The following LRP1B variants were observed in gnomAD, a reference collection of about 807,000 sequenced individuals.
LRP1B encodes the protein low-density lipoprotein receptor-related protein 1B.
In LRP1B, 217 loss-of-function variants were observed where a neutral mutation model predicts 556.6. The ratio of observed to expected loss-of-function variants is 0.39; its 90% CI spans 0.35 to 0.44. LRP1B has a LOEUF of 0.44. Among genes scored for constraint, LRP1B ranks in the 20% least tolerant of loss-of-function variants. The probability of loss-of-function intolerance (pLI) is 1.00; values close to 1 mark genes in which losing one functional copy is unlikely to be tolerated. For synonymous variants in LRP1B, 2,047 were observed against 1,865.8 expected, an observed-to-expected ratio of 1.10 and a Z score of -2.50; for missense variants, 5,053 against 5,620.8, an observed-to-expected ratio of 0.90 and a Z score of 3.23.
At chr2:141,723,152 C>T (rs1353867820) in intron 2 of LRP1B, among the ~76,000 whole-genome samples, 1 of 151,904 alleles carries the variant, frequency 6.6e-6, no homozygotes. Context: ...GCCCTCAGTG[C>T]TCTCCCAGTC....
chr2:142,122,140 T>C (rs910993585), intron 1 of LRP1B, among the ~76,000 whole-genome samples: 1 of 152,124 alleles, frequency 6.6e-6, no homozygotes, highest in African/African-American at 2.4e-5. Flanking sequence ...ACTCTGGTGG[T>C]GTTTTCATAG....
chr2:140,504,941 A>G (rs13000698), intron 53 of LRP1B, among the ~76,000 whole-genome samples: 2 of 152,310 alleles, frequency 1.3e-5, no homozygotes, highest in Admixed American at 6.5e-5. Flanking sequence ...ATGTGACTGT[A>G]ACATTTCATT....
intron 2 of LRP1B, among the ~76,000 whole-genome samples, chr2:141,782,923 G>C (rs1695312158): frequency 1.3e-5 from 2 of 152,042 alleles, no homozygotes; most frequent in South Asian, 4.1e-4. Context: ...ATGTAAACAG[G>C]AGAAGATGAA....
At chr2:141,322,898 T>C (rs570395373) in intron 3 of LRP1B, among the ~76,000 whole-genome samples, 15 of 152,140 alleles carry the variant, frequency 9.9e-5, no homozygotes, top group African/African-American at 1.7e-4. Context: ...GATACGAATA[T>C]CCAAGATTAA....
intron 35 of LRP1B, among the ~76,000 whole-genome samples, chr2:140,727,272 C>T (rs557362497): frequency 1.3e-5 from 2 of 152,212 alleles, no homozygotes; most frequent in East Asian, 1.9e-4. Flanking sequence ...ACAAAACAAA[C>T]GTATTTTTAT....
intron 5 of LRP1B, among the ~76,000 whole-genome samples, chr2:141,240,406 G>C (rs980162852): frequency 4.6e-5 from 7 of 151,552 alleles, no homozygotes; most frequent in African/African-American, 1.7e-4. Flanking sequence ...CGGATTTTAA[G>C]GTTTTTTCCC....
chr2:140,768,806 G>A (rs77780034), intron 35 of LRP1B, among the ~76,000 whole-genome samples: 17 of 151,732 alleles, frequency 1.1e-4, no homozygotes, highest in East Asian at 9.6e-4. Flanking sequence ...ATTTGCCACC[G>A]CTTGTATTAC....
At chr2:141,231,989 A>C (rs1683490924) in intron 5 of LRP1B, among the ~76,000 whole-genome samples, 2 of 152,194 alleles carry the variant, frequency 1.3e-5, no homozygotes, top group South Asian at 4.1e-4. Flanking sequence ...TGCTAAGATC[A>C]TTTCCACAAA....
intron 7 of LRP1B, among the ~76,000 whole-genome samples, chr2:141,089,002 T>A (rs1700112403): frequency 6.6e-6 from 1 of 152,190 alleles, no homozygotes; most frequent in Non-Finnish European, 1.5e-5. Context: ...TATAAAGCTT[T>A]TTCATGACTT....
rs80293225 is a variant in LRP1B, at chr2:141,210,134, G to A, written c.850+19049C>T. ...AATGCGGCGTGCATTTTATGACCTT[G>A]CTTAATTAGGTTCCTATTGCTCACT... On this transcript the variant is annotated intron_variant, in intron 6 of 90. Transcript: ENST00000389484. 2.7e-3 allele frequency among the ~76,000 whole-genome samples: 405 copies of A among 151,092 alleles called. 4 individuals carry two copies. Among genetic ancestry groups the A allele is most frequent in the African/African-American group, 8.6e-3 (353 of 41,216 alleles).
intron 84 of LRP1B, among the ~76,000 whole-genome samples, chr2:140,278,551 T>G (rs1052874360): frequency 6.6e-6 from 1 of 151,974 alleles, no homozygotes; most frequent in African/African-American, 2.4e-5. Flanking sequence ...TGCGTCCAAT[T>G]TTTTTTCATA....
chr2:141,195,660 C>T (rs1388380707), intron 6 of LRP1B, among the ~76,000 whole-genome samples: 1 of 152,040 alleles, frequency 6.6e-6, no homozygotes, highest in East Asian at 1.9e-4. Flanking sequence ...ATGCTGAAAA[C>T]ACAGAGGATA....
chr2:141,661,502 G>A (rs775737037), intron 2 of LRP1B, among the ~76,000 whole-genome samples: 3 of 152,156 alleles, frequency 2.0e-5, no homozygotes, highest in Non-Finnish European at 4.4e-5. Flanking sequence ...TGATGGACTT[G>A]AAAAACACAA....
chr2:141,107,472 C>T (rs557419394), intron 7 of LRP1B, among the ~76,000 whole-genome samples: 1 of 151,986 alleles, frequency 6.6e-6, no homozygotes, highest in East Asian at 1.9e-4. Flanking sequence ...ATGGTGAAAC[C>T]CTTTTTCTAC....
chr2:140,545,634 T>A (rs1680304342), intron 43 of LRP1B, among the ~76,000 whole-genome samples: 1 of 152,128 alleles, frequency 6.6e-6, no homozygotes, highest in Admixed American at 6.6e-5. Flanking sequence ...TTCTGTTGCA[T>A]TGGTCTATAC....
chr2:140,349,581 T>A (rs995012188), intron 77 of LRP1B, among the ~76,000 whole-genome samples: 1 of 151,998 alleles, frequency 6.6e-6, no homozygotes, highest in Non-Finnish European at 1.5e-5. Flanking sequence ...GAATCATCAC[T>A]AGAACCTCTT....
chr2:141,183,958 T>A (rs950993379), intron 7 of LRP1B, among the ~76,000 whole-genome samples: 4 of 152,084 alleles, frequency 2.6e-5, no homozygotes, highest in Non-Finnish European at 5.9e-5. Context: ...AAGTTCACAC[T>A]CATAGTGAAA....
At chr2:140,635,308 C>T (rs1043722877) in intron 41 of LRP1B, among the ~76,000 whole-genome samples, 60 of 151,994 alleles carry the variant, frequency 3.9e-4, no homozygotes, top group African/African-American at 1.4e-3. Context: ...ACACAAGATG[C>T]ATGTTTTTAT....
rs1179268063 is a variant in LRP1B at position 141,893,137 on chromosome 2, A to T, written c.83-82736T>A. 2.0e-5 allele frequency among the ~76,000 whole-genome samples: 3 copies of T among 152,204 alleles called. No individual in the cohort carries two copies. In the South Asian group the frequency reaches 6.2e-4, roughly 31 times the overall value. ...TCCTAGTTAGGAAATTTTGAAAATAATTTTTTATTTTAAATAAAAACTATG... is the reference window on the plus strand; with the variant it reads ...TCCTAGTTAGGAAATTTTGAAAATATTTTTTTATTTTAAATAAAAACTATG... On this transcript the variant is annotated intron_variant, in intron 1 of 90. Transcript: ENST00000389484.
Sources: gnomAD v4.1 joint callset for allele counts (sites outside exome capture counted in the v4.1 genomes callset) on GRCh38, gnomAD v4.1.1 for gene constraint, MANE v1.5 for transcripts, NCBI Gene and HGNC (gene_info 2026-07-23, HGNC 2026-07-21) for gene names.